HAS2: variants seen among roughly 807,000 people sequenced by gnomAD.
The protein encoded by HAS2 is HA synthase 2.
Under a neutral mutation model 51.6 loss-of-function variants are expected in HAS2, and 16 were observed. That is an observed-to-expected ratio of 0.31 (90% CI 0.21 to 0.47). The LOEUF is 0.47. Ranked by LOEUF, HAS2 falls within the 20% of genes least tolerant of loss-of-function variation. The probability of loss-of-function intolerance (pLI) is 1.00; values close to 1 mark genes in which losing one functional copy is unlikely to be tolerated. For synonymous variants in HAS2, 228 were observed against 235.5 expected (o/e 0.97, Z 0.29); for missense variants, 361 against 662.6 (o/e 0.54, Z 5.00).
chr8:121,628,518 G>A (rs1812883920), intron 2 of HAS2, among the ~76,000 whole-genome samples, 196 bp downstream of exon 2: 1 of 152,164 alleles, frequency 6.6e-6, no homozygotes, highest in Non-Finnish European at 1.5e-5. Context: ...CATGTTCATA[G>A]ATAGTCTCAA....
intron 2 of HAS2, among the ~76,000 whole-genome samples, chr8:121,621,045 T>C (rs10095464): frequency 0.019 from 2,830 of 152,236 alleles, 100 homozygotes; most frequent in African/African-American, 0.064. Flanking sequence ...AACAGCAAAA[T>C]TGACTAGTTA....
chr8:121,625,251 G>C (rs2130441663), intron 2 of HAS2, among the ~76,000 whole-genome samples: 1 of 151,996 alleles, frequency 6.6e-6, no homozygotes, highest in East Asian at 1.9e-4. Context: ...CAATCAGTTG[G>C]GTATTTGTTT....
chr8:121,629,030 T>C lies in HAS2; in HGVS notation c.311A>G (p.Gln104Arg), dbSNP rs771502860. The stretch of plus-strand genomic sequence containing the variant: ...AGGGTAGGTTAGCCTTTTCACAGAT[T>C]GCAAACATTTCCTTAAGTAGTCTGG... ...EDPDYLRKCL[Q>R]SVKRLTYPGI... Residue 104 changes from glutamine to arginine, a missense_variant, in exon 2 of 4, where the codon CAA (glutamine) becomes CGA (arginine). By Grantham distance (43) the Gln-to-Arg change is conservative. Around this residue, in one of 5 missense-constraint regions of HAS2, gnomAD observed 145 missense variants for 217.6 expected, o/e 0.67. Transcript: ENST00000303924. 1 of 1,614,090 alleles carries C rather than the reference T, an allele frequency of 6.2e-7. No individual in the cohort carries two copies. The highest frequency in any genetic ancestry group is 8.5e-7 in the Non-Finnish European group (1 of 1,179,964).
At chr8:121,625,323 C>T (rs1365691413) in intron 2 of HAS2, among the ~76,000 whole-genome samples, 1 of 151,956 alleles carries the variant, frequency 6.6e-6, no homozygotes, top group Non-Finnish European at 1.5e-5. Flanking sequence ...CTGCCATAAG[C>T]CTGTGTTACT....
chr8:121,635,460 G>A (rs939398102), intron 1 of HAS2, among the ~76,000 whole-genome samples: 3 of 152,086 alleles, frequency 2.0e-5, no homozygotes, highest in Non-Finnish European at 2.9e-5. Context: ...CATTACTTAT[G>A]GGTTAACAAG....
At chr8:121,637,248 A>G (rs1813022438) in intron 1 of HAS2, among the ~76,000 whole-genome samples, 1 of 152,182 alleles carries the variant, frequency 6.6e-6, no homozygotes, top group Admixed American at 6.5e-5. Context: ...GGCATTCATT[A>G]ATAAATTTAC....
chr8:121,616,986 A>C (rs890089129), intron 3 of HAS2, 119 bp downstream of exon 3: 16 of 650,258 alleles, frequency 2.5e-5, no homozygotes, highest in Admixed American at 1.7e-4. Flanking sequence ...TCAAGCACCA[A>C]CAACAACACC....
At chr8:121,619,295 T>C (rs1277011462) in intron 2 of HAS2, among the ~76,000 whole-genome samples, 2 of 152,184 alleles carry the variant, frequency 1.3e-5, no homozygotes, top group Non-Finnish European at 2.9e-5. Context: ...TTCATGTTAA[T>C]GAAGAATGCT....
intron 2 of HAS2, among the ~76,000 whole-genome samples, chr8:121,628,502 A>G (rs1283919201): frequency 2.0e-5 from 3 of 152,158 alleles, no homozygotes; most frequent in African/African-American, 7.2e-5. Context: ...CACAGCACAA[A>G]TTAAGCATGT....
intron 1 of HAS2, among the ~76,000 whole-genome samples, chr8:121,636,511 C>T (rs1177360988): frequency 6.6e-6 from 1 of 152,146 alleles, no homozygotes; most frequent in Non-Finnish European, 1.5e-5. Context: ...GGTTAGTATA[C>T]AAGCCTTTTT....
intron 2 of HAS2, 81 bp downstream of exon 2, chr8:121,628,633 G>T: frequency 1.6e-6 from 2 of 1,234,582 alleles, no homozygotes; most frequent in South Asian, 1.4e-5. Context: ...GACAAGGATG[G>T]GCTATAGCAT....
chr8:121,631,878 CCA>C (rs1812935321), intron 1 of HAS2, among the ~76,000 whole-genome samples: 1 of 152,194 alleles, frequency 6.6e-6, no homozygotes, highest in Non-Finnish European at 1.5e-5. Context: ...TTTAAAATCA[CCA>C]TAGCCAGCAA....
At chr8:121,619,846 C>T (rs925567826) in intron 2 of HAS2, among the ~76,000 whole-genome samples, 2 of 152,110 alleles carry the variant, frequency 1.3e-5, no homozygotes, top group African/African-American at 4.8e-5. Flanking sequence ...AAGGTAAAAC[C>T]AGGCTAAAAT....
chr8:121,635,223 C>T (rs1812993215), intron 1 of HAS2, among the ~76,000 whole-genome samples: 1 of 152,104 alleles, frequency 6.6e-6, no homozygotes, highest in South Asian at 2.1e-4. Context: ...CCTGGCTCTT[C>T]CTTTTAGTGG....
intron 3 of HAS2, 126 bp from the exon 4 acceptor site, chr8:121,615,164 C>A: frequency 1.6e-6 from 1 of 625,748 alleles, no homozygotes; most frequent in Non-Finnish European, 2.7e-6. Flanking sequence ...GGCTTCGTTC[C>A]TCTTTTTGGC....
chr8:121,616,012 T>C (rs1474398499), intron 3 of HAS2, among the ~76,000 whole-genome samples: 1 of 152,210 alleles, frequency 6.6e-6, no homozygotes, highest in African/African-American at 2.4e-5. Context: ...GCTTTTGCTA[T>C]CAAACTACAT....
In HAS2 at chr8:121,613,027, G is replaced by A. The variant is rs1563618654; in HGVS notation, c.*1082C>T. The A allele has an allele frequency of 6.6e-6, 1 of 151,172 alleles. No individual in the cohort carries two copies. Among genetic ancestry groups the A allele is most frequent in the Non-Finnish European group, 1.5e-5 (1 of 67,886 alleles). 9.4% of individuals were successfully genotyped at this position (151,172 alleles called of 1,614,324 possible). A position where few individuals can be genotyped will look rare whatever the true frequency, so the allele number is the denominator to read the frequency against. On this transcript the variant is annotated 3_prime_UTR_variant, in exon 4 of 4. Transcript: ENST00000303924. ...ATTCAGGCCACAGAACAAAACCTTT[G>A]ATAAACTGCATTGTATGTGTCCAAA... is the stretch of plus-strand genomic sequence containing the variant.
At chr8:121,621,888 G>A (rs888581847) in intron 2 of HAS2, among the ~76,000 whole-genome samples, 1 of 151,784 alleles carries the variant, frequency 6.6e-6, no homozygotes, top group Non-Finnish European at 1.5e-5. Flanking sequence ...CCACTTCAAA[G>A]GGCATTGACA....
chr8:121,641,044 A>G lies in HAS2; in HGVS notation c.-192T>C, dbSNP rs940917899. On this transcript the variant is annotated 5_prime_UTR_variant, in exon 1 of 4. Transcript: ENST00000303924. Reference sequence around the variant, plus strand: ...AGTCTTAAATGTTTGATTCTTCCCCACTTTAAAAAATAATTTCACTAATAT... The same window carrying G: ...AGTCTTAAATGTTTGATTCTTCCCCGCTTTAAAAAATAATTTCACTAATAT... 1.3e-5 allele frequency: 2 copies of G among 151,682 alleles called. No individual in the cohort carries two copies. Among genetic ancestry groups the G allele is most frequent in the Admixed American group, 1.3e-4 (2 of 15,214 alleles). 9.4% of individuals were successfully genotyped at this position (151,682 alleles called of 1,614,324 possible). A position where few individuals can be genotyped will look rare whatever the true frequency, so the allele number is the denominator to read the frequency against.
Sources: gnomAD v4.1 joint callset for allele counts (sites outside exome capture counted in the v4.1 genomes callset) on GRCh38, gnomAD v4.1.1 for gene constraint, gnomAD v4.1.1 regional missense constraint, MANE v1.5 for transcripts, NCBI Gene and HGNC (gene_info 2026-07-23, HGNC 2026-07-21) for gene names.